The following GPHN variants were observed in gnomAD, a reference collection of about 807,000 sequenced individuals.
GPHN encodes gephyrin.
Under a neutral mutation model 95.5 loss-of-function variants are expected in GPHN, and 17 were observed. The observed-to-expected ratio is 0.18, with a 90% CI of 0.12 to 0.27. The LOEUF (loss-of-function observed/expected upper bound fraction) is 0.27, where lower values mean the gene tolerates loss of function less well. Ranked by LOEUF, GPHN falls within the 10% of genes least tolerant of loss-of-function variation. The pLI, the probability that GPHN is intolerant of heterozygous loss-of-function variation, is 1.00. For missense variants in GPHN, 660 were observed against 978.1 expected, an observed-to-expected ratio of 0.67 and a Z score of 4.34; for synonymous variants, 320 against 322.5, an observed-to-expected ratio of 0.99 and a Z score of 0.08.
At chr14:67,590,540 G>T in the GPHN span, among the ~76,000 whole-genome samples, 2 of 152,154 alleles carry the variant, frequency 1.3e-5, no homozygotes, top group Admixed American at 1.3e-4. Context: ...TGTATTTTTA[G>T]TAGAGACAGG....
the GPHN span, among the ~76,000 whole-genome samples, chr14:67,665,654 G>A: frequency 6.6e-6 from 1 of 152,074 alleles, no homozygotes; most frequent in African/African-American, 2.4e-5. Flanking sequence ...TCTGAAACAT[G>A]GAAATTTATT....
chr14:66,958,246 T>C (rs1426905123), intron 8 of GPHN, among the ~76,000 whole-genome samples: 1 of 152,214 alleles, frequency 6.6e-6, no homozygotes, highest in Non-Finnish European at 1.5e-5. Flanking sequence ...TTTTTGTCTC[T>C]TATAACAGTT....
At chr14:67,201,296 AAAAC>A in the GPHN span, 27 of 349,170 alleles carry the variant, frequency 7.7e-5, 1 homozygote, top group African/African-American at 3.6e-4. Flanking sequence ...TTTGTCTCTA[AAAAC>A]AAACAAATAA....
chr14:66,587,914 G>T (rs1457431474), intron 1 of GPHN, among the ~76,000 whole-genome samples: 2 of 152,140 alleles, frequency 1.3e-5, no homozygotes, highest in Non-Finnish European at 2.9e-5. Context: ...TCCTCAAGTG[G>T]GTCCCTGACC....
the GPHN span, among the ~76,000 whole-genome samples, chr14:67,658,366 G>A: frequency 6.6e-6 from 1 of 152,088 alleles, no homozygotes; most frequent in Non-Finnish European, 1.5e-5. Flanking sequence ...AGGCCGAGAC[G>A]GGTGGATCAC....
the GPHN span, chr14:67,387,238 G>C: frequency 1.6e-6 from 2 of 1,277,138 alleles, no homozygotes; most frequent in Non-Finnish European, 2.2e-6. Context: ...AACTTACAAA[G>C]AAGTCAAAAG....
chr14:67,579,968 T>A, the GPHN span: 3 of 1,234,272 alleles, frequency 2.4e-6, no homozygotes, highest in South Asian at 4.3e-5. Flanking sequence ...TCTGACTGTT[T>A]GGTAGCTCAT....
At chr14:67,457,714 T>C in the GPHN span, among the ~76,000 whole-genome samples, 1 of 152,228 alleles carries the variant, frequency 6.6e-6, no homozygotes, top group Non-Finnish European at 1.5e-5. Flanking sequence ...AAAGTCCCAC[T>C]AGGGGCTCAC....
At chr14:67,500,165 TA>T in the GPHN span, among the ~76,000 whole-genome samples, 1 of 151,856 alleles carries the variant, frequency 6.6e-6, no homozygotes, top group East Asian at 1.9e-4. Context: ...CCCTGTCTCT[TA>T]AAATAAATAA....
Position 66,557,748 on chromosome 14 carries a change from A to T in GPHN, c.64+49157A>T, listed in dbSNP as rs557339146. ...CTCTGGATTCTGCTTAAATGTGGTT[A>T]AACAAGGCTGCCATCAGAAATCACC... On this transcript the variant is annotated intron_variant, in intron 1 of 22. Coordinates refer to ENST00000478722, the MANE Select transcript of GPHN (RefSeq NM_020806.5). Among the ~76,000 whole-genome samples, 82 of 152,306 alleles carry T rather than the reference A, an allele frequency of 5.4e-4. 3 individuals are homozygous for T. In the South Asian group the frequency reaches 0.016, roughly 30 times the overall value.
At chr14:67,190,791 T>A in the GPHN span, among the ~76,000 whole-genome samples, 1 of 152,182 alleles carries the variant, frequency 6.6e-6, no homozygotes, top group Non-Finnish European at 1.5e-5. Context: ...GGACCTAGCC[T>A]AAAAATATGT....
the GPHN span, among the ~76,000 whole-genome samples, chr14:67,483,129 G>T: frequency 1.3e-5 from 2 of 152,090 alleles, no homozygotes; most frequent in African/African-American, 2.4e-5. Context: ...TCATGCCTCA[G>T]CCTCCCAAGA....
chr14:67,392,376 T>C, the GPHN span: 1 of 1,614,000 alleles, frequency 6.2e-7, no homozygotes, highest in Non-Finnish European at 8.5e-7. Flanking sequence ...AACTCCACAG[T>C]GCTCAGGCTA....
chr14:67,303,599 AG>A, the GPHN span: 1 of 1,609,678 alleles, frequency 6.2e-7, no homozygotes, highest in Non-Finnish European at 8.5e-7. Flanking sequence ...AGGAAACAGT[AG>A]TAAGTGATTT....
At position 66,681,178 on chromosome 14, in the gene GPHN, C is replaced by T. The variant is rs777618122; in HGVS notation, c.136C>T (p.Pro46Ser). Residue 46 changes from proline (P) to serine (S), a missense_variant, in exon 2 of 23, where the codon CCT (proline) becomes TCT (serine). Coordinates refer to ENST00000478722, the MANE Select transcript of GPHN (RefSeq NM_020806.5). ...AAATCTCAAAGATCTCGTACAAGAT[C>T]CTTCTTTGTGAGTATTGTGCTTTCA... is the stretch of plus-strand genomic sequence containing the variant. The part of the protein sequence containing the change: ...GINLKDLVQD[P>S]SLLGGTISAY... 8 of 1,573,264 alleles carry T rather than the reference C, an allele frequency of 5.1e-6. No homozygotes were observed. Among genetic ancestry groups the T allele is most frequent in the Non-Finnish European group, 7.0e-6 (8 of 1,144,560 alleles).
intron 2 of GPHN, among the ~76,000 whole-genome samples, chr14:66,721,993 A>G (rs2070791747): frequency 6.6e-6 from 1 of 151,004 alleles, no homozygotes; most frequent in South Asian, 2.1e-4. Context: ...AATTTGATTT[A>G]ATTTGGGAAA....
intron 9 of GPHN, among the ~76,000 whole-genome samples, chr14:67,018,607 C>T (rs1477467007): frequency 6.6e-6 from 1 of 152,082 alleles, no homozygotes; most frequent in Non-Finnish European, 1.5e-5. Flanking sequence ...AATGTTCTGG[C>T]GTATCCCTAC....
At chr14:66,702,341 G>A (rs931743449) in intron 2 of GPHN, among the ~76,000 whole-genome samples, 6 of 152,120 alleles carry the variant, frequency 3.9e-5, no homozygotes, top group Non-Finnish European at 7.3e-5. Flanking sequence ...CACCCAACTG[G>A]GTGAGACCCT....
chr14:67,269,178 C>T, the GPHN span, among the ~76,000 whole-genome samples: 1 of 152,144 alleles, frequency 6.6e-6, no homozygotes, highest in Non-Finnish European at 1.5e-5. Context: ...TAGGGTTAAT[C>T]TATGTTGTAG....
Sources: allele counts gnomAD v4.1 joint callset (sites outside exome capture counted in the v4.1 genomes callset), GRCh38; gene constraint gnomAD v4.1.1; transcripts MANE v1.5; gene names NCBI Gene and HGNC (gene_info 2026-07-23, HGNC 2026-07-21).